POLE: variants seen among roughly 807,000 people sequenced by gnomAD.
The protein encoded by POLE is DNA polymerase epsilon catalytic subunit A.
A neutral mutation model predicts 279.2 loss-of-function variants in POLE; 188 were observed. That is an observed-to-expected ratio of 0.67 (90% confidence interval 0.60 to 0.76). POLE has a LOEUF of 0.76. Ranked by LOEUF, POLE falls within the 30% of genes least tolerant of loss-of-function variation. The pLI, the probability that POLE is intolerant of heterozygous loss-of-function variation, is 0.00. For missense variants in POLE, 2,703 were observed against 3,016.7 expected (o/e 0.90, Z 2.44); for synonymous variants, 1,214 against 1,172.5 (o/e 1.04, Z -0.72).
At position 132,638,062 on chromosome 12, in the gene POLE, T is replaced by C. The variant is rs2042069672; in HGVS notation, c.5630A>G (p.Lys1877Arg). 1 of 1,613,914 alleles carries C rather than the reference T, an allele frequency of 6.2e-7. No individual in the cohort carries two copies. Among genetic ancestry groups the C allele is most frequent in the Non-Finnish European group, 8.5e-7 (1 of 1,180,006 alleles). The change falls in exon 41 of 49, where the codon AAG becomes AGG. Residue 1877 changes from lysine (K) to arginine (R), a missense_variant. Around this residue, in one of 5 missense-constraint regions of POLE, gnomAD observed 1,551 missense variants for 1,686.1 expected, o/e 0.92. Coordinates refer to ENST00000320574, the MANE Select transcript of POLE (RefSeq NM_006231.4). ...AGCGATGGCATCTTCCACACGGCGC[T>C]TCTTTGTACAGAGGATGATGCGGTT... ...NFNRIILCTK[K>R]RRVEDAIAYV...
chr12:132,672,365 C>T (rs890330695), intron 15 of POLE, 43 bp from the exon 16 acceptor site: 2 of 1,473,336 alleles, frequency 1.4e-6, no homozygotes, highest in South Asian at 1.1e-5. Flanking sequence ...GGAAACACAC[C>T]CACACTAGCC....
Position 132,624,804 on chromosome 12 carries a change from T to G in POLE, c.6754A>C (p.Met2252Leu), listed in dbSNP as rs759660507. The change falls in exon 49 of 49, where the codon ATG becomes CTG. Residue 2252 changes from methionine to leucine, a missense_variant. Met to Leu is a conservative substitution (Grantham distance 15). Around this residue, in one of 5 missense-constraint regions of POLE, gnomAD observed 1,551 missense variants for 1,686.1 expected, o/e 0.92. Transcript: ENST00000320574. ...TTCCGGAATATTCCGATCTGTTCCA[T>G]GAAGACCTGCAGGAATAAACAGGCA... Reference protein sequence around the residue: ...FALTIHTQVFMEQIGIFRNIA... With the variant: ...FALTIHTQVFLEQIGIFRNIA... 1.2e-6 allele frequency: 2 copies of G among 1,610,450 alleles called. No individual in the cohort carries two copies. The highest frequency in any genetic ancestry group is 8.5e-7 in the Non-Finnish European group (1 of 1,176,638).
In POLE at chr12:132,649,455, G is replaced by A. The variant is rs373170535; in HGVS notation, c.3856C>T (p.Arg1286Cys). The A allele has an allele frequency of 9.3e-6, 15 of 1,612,012 alleles. No individual in the cohort carries two copies. In the African/African-American group the frequency reaches 9.3e-5, roughly 10 times the overall value. The change falls in exon 31 of 49, where the codon CGC becomes TGC. Residue 1286 changes from arginine (R) to cysteine (C), a missense_variant. By Grantham distance (180) the Arg-to-Cys change is radical (BLOSUM62 -3). Coordinates refer to ENST00000320574, the MANE Select transcript of POLE (RefSeq NM_006231.4). ...CGCTGCCTCTTCCTGCGGGCGAGGCGCTGCCGGGCCTGCAGCTGCCACTTC... is the reference window on the plus strand; with the variant it reads ...CGCTGCCTCTTCCTGCGGGCGAGGCACTGCCGGGCCTGCAGCTGCCACTTC... ...KKKWQLQARQRLARRKRQRLE... is the reference protein window; with the variant it reads ...KKKWQLQARQCLARRKRQRLE...
chr12:132,636,372 A>G (rs2042032323), intron 41 of POLE, among the ~76,000 whole-genome samples: 1 of 139,808 alleles, frequency 7.2e-6, no homozygotes, highest in Admixed American at 8.1e-5. Context: ...AGCTATCGTC[A>G]TCCTTGTCAC....
At position 132,642,651 on chromosome 12, in the gene POLE, A is replaced by C. The variant is rs1476671734; in HGVS notation, c.4807T>G (p.Leu1603Val). 1 of 1,613,212 alleles carries C rather than the reference A, an allele frequency of 6.2e-7. No homozygotes were observed. The highest frequency in any genetic ancestry group is 8.5e-7 in the Non-Finnish European group (1 of 1,180,024). The part of the protein sequence containing the change: ...LKRLASEIPV[L>V]EEFPLVPICV... ...ATAGGCACCAGTGGGAATTCCTCCAAGACAGGAATTTCACTGGCCAGCCTC... is the reference window on the plus strand; with the variant it reads ...ATAGGCACCAGTGGGAATTCCTCCACGACAGGAATTTCACTGGCCAGCCTC... Residue 1603 changes from leucine (L) to valine (V), a missense_variant, in exon 37 of 49, where the codon TTG (leucine) becomes GTG (valine). By Grantham distance (32) the Leu-to-Val change is conservative. Coordinates refer to ENST00000320574, the MANE Select transcript of POLE (RefSeq NM_006231.4).
chr12:132,668,382 G>A lies in POLE; in HGVS notation c.2147C>T (p.Ala716Val), dbSNP rs567031389. 5 of 1,595,676 alleles carry A rather than the reference G, an allele frequency of 3.1e-6. No homozygotes were observed. Among genetic ancestry groups the A allele is most frequent in the East Asian group, 2.3e-5 (1 of 44,324 alleles). The change falls in exon 19 of 49, where the codon GCG becomes GTG. Residue 716 changes from alanine to valine, a missense_variant. Ala to Val is a moderately conservative substitution (Grantham distance 64, BLOSUM62 0). Coordinates refer to ENST00000320574, the MANE Select transcript of POLE (RefSeq NM_006231.4). The surrounding 1 kb of genome is among the most constrained non-coding windows in gnomAD (Gnocchi z 4.0). ...CGCCAGCCTTCTCTTCTCGTATTTC[G>A]CCTGTTCCTCGCGGGACAGTTCATG... ...AFHELSREEQ[A>V]KYEKRRLADY...
rs1060500871 is a variant in POLE, at chr12:132,625,692, C to T, written c.6610G>A (p.Val2204Met). 7.4e-6 allele frequency: 12 copies of T among 1,613,724 alleles called. No individual in the cohort carries two copies. The highest frequency in any genetic ancestry group is 1.6e-4 in the Middle Eastern group (1 of 6,084). ...ATCAGCTTCTTCTGTAGAACTTCCA[C>T]CAGCGTCATCTCGATGGCAGAGGAG... is the stretch of plus-strand genomic sequence containing the variant. ...YDSSAIEMTL[V>M]EVLQKKLMAF... is the part of the protein sequence containing the mutation. Residue 2204 changes from valine (V) to methionine (M), a missense_variant, in exon 47 of 49, where the codon GTG becomes ATG. Val to Met is a conservative substitution (Grantham distance 21). Transcript: ENST00000320574.
At chr12:132,663,973 A>G in intron 23 of POLE, 31 bp downstream of exon 23, 3 of 1,612,596 alleles carry the variant, frequency 1.9e-6, no homozygotes, top group Non-Finnish European at 2.5e-6. Flanking sequence ...CAGGCCAGCC[A>G]GAGCTTCAGG....
Position 132,639,698 on chromosome 12 carries a change from T to C in POLE, c.5379-400A>G, listed in dbSNP as rs915782397. Among the ~76,000 whole-genome samples, 7 of 152,132 alleles carry C rather than the reference T, an allele frequency of 4.6e-5. No homozygotes were observed. Among genetic ancestry groups the C allele is most frequent in the African/African-American group, 7.2e-5 (3 of 41,392 alleles). On this transcript the variant is annotated intron_variant, in intron 39 of 48. Transcript: ENST00000320574. The surrounding 1 kb of genome is among the most constrained non-coding windows in gnomAD (Gnocchi z 4.7). Reference sequence around the variant, plus strand: ...CGGATGCAGAGGCTCACGCCTGTAATCCCACCACTTTGGGAGGCCGAGGCA... The same window carrying C: ...CGGATGCAGAGGCTCACGCCTGTAACCCCACCACTTTGGGAGGCCGAGGCA...
rs759449495 is a variant in POLE at position 132,649,429 on chromosome 12, ACGCTGCCTCTTCCTGCGGGCGAGG to A, written c.3858_3881del (p.Ala1288_Leu1295del). On this transcript the variant is annotated inframe_deletion, in exon 31 of 49. Transcript: ENST00000320574. ...TGAGCACACCCTCTGCCGACTCCAG[ACGCTGCCTCTTCCTGCGGGCGAGG>A]CGCTGCCGGGCCTGCAGCTGCCACT... 7 of 1,613,000 alleles carry A rather than the reference ACGCTGCCTCTTCCTGCGGGCGAGG, an allele frequency of 4.3e-6. No individual in the cohort carries two copies. The highest frequency in any genetic ancestry group is 5.9e-6 in the Non-Finnish European group (7 of 1,180,028).
chr12:132,679,032 T>G (rs1208147210), intron 6 of POLE, among the ~76,000 whole-genome samples: 1 of 152,188 alleles, frequency 6.6e-6, no homozygotes, highest in African/African-American at 2.4e-5. Flanking sequence ...TACTCAAGAT[T>G]TTCTCTTCCT....
In POLE at chr12:132,624,976, C is replaced by T. The variant is rs766291093; in HGVS notation, c.6676G>A (p.Gly2226Arg). ...ACAGGCATGCTGGTCTCCTTCACCC[C>T]GCGGCACTTCAGGCAGACCTGAAAG... is the stretch of plus-strand genomic sequence containing the variant. ...LQDLVCLKCRGVKETSMPVYC... is the reference protein window; with the variant it reads ...LQDLVCLKCRRVKETSMPVYC... Residue 2226 changes from glycine to arginine, a missense_variant, in exon 48 of 49, where the codon GGG (glycine) becomes AGG (arginine). Gly to Arg is a moderately radical substitution (Grantham distance 125). This residue lies in a region of POLE where 1,551 missense variants were observed against 1,686.1 expected (regional missense o/e 0.92). Transcript: ENST00000320574. 20 of 1,613,892 alleles carry T rather than the reference C, an allele frequency of 1.2e-5. No individual in the cohort carries two copies. The highest frequency in any genetic ancestry group is 2.2e-5 in the East Asian group (1 of 44,880).
Position 132,677,558 on chromosome 12 carries a change from C to T in POLE, c.720+20G>A, listed in dbSNP as rs771352389. 5.0e-6 allele frequency: 8 copies of T among 1,613,892 alleles called. No homozygotes were observed. The highest frequency in any genetic ancestry group is 3.3e-4 in the Middle Eastern group (2 of 6,082). ...GTTAGGAAATTCATGTGAGCAGCGA[C>T]CCAACCCTGCCCCACTCACCACGTG... On this transcript the variant is annotated intron_variant, in intron 7 of 48. Coordinates refer to ENST00000320574, the MANE Select transcript of POLE (RefSeq NM_006231.4).
chr12:132,634,381 G>C lies in POLE; in HGVS notation c.5812-3C>G. 1 of 1,611,978 alleles carries C rather than the reference G, an allele frequency of 6.2e-7. No homozygotes were observed. Among genetic ancestry groups the C allele is most frequent in the African/African-American group, 1.3e-5 (1 of 75,002 alleles). ...CCCCCTGCTTTCTGGGAGTCTTGCT[G>C]TAACACATGAGACAACGCGGCTGTG... On this transcript the variant is annotated splice_polypyrimidine_tract_variant and splice_region_variant and intron_variant, in intron 42 of 48. Transcript: ENST00000320574. The surrounding 1 kb of genome is among the most constrained non-coding windows in gnomAD (Gnocchi z 4.0).
chr12:132,673,985 C>T lies in POLE; in HGVS notation c.1227-278G>A, dbSNP rs5744771. Among the ~76,000 whole-genome samples, 11,682 of 152,032 alleles carry T rather than the reference C, an allele frequency of 0.077. 601 individuals carry two copies. The highest frequency in any genetic ancestry group is 0.11 in the Non-Finnish European group (7,440 of 67,956). On this transcript the variant is annotated intron_variant, in intron 12 of 48. Coordinates refer to ENST00000320574, the MANE Select transcript of POLE (RefSeq NM_006231.4). ...TCCTCAGCAGAGTTTGTGGCCTCTC[C>T]GACGGGCGCCCCACCTCCTTGGGCC...
At chr12:132,632,230 A>T in intron 45 of POLE, 85 bp downstream of exon 45, 2 of 1,080,310 alleles carry the variant, frequency 1.9e-6, no homozygotes, top group Non-Finnish European at 2.8e-6. Flanking sequence ...TGCACGCATT[A>T]CAGCCTCACC....
chr12:132,626,388 C>T lies in POLE; in HGVS notation c.6331-71G>A, dbSNP rs570044160. 4 of 1,421,892 alleles carry T rather than the reference C, an allele frequency of 2.8e-6. No individual in the cohort carries two copies. The African/African-American group carries it at 4.2e-5, about 15-fold the overall frequency. The allele number at this position is 1,421,892 out of a possible 1,614,324, so 88.1% of individuals were successfully genotyped here. A position where few individuals can be genotyped will look rare whatever the true frequency, so the allele number is the denominator to read the frequency against. ...CCTGCTGCTCTGTCTGGACCAGAAC[C>T]CTCTGGACCTTAGGCTACAGTTTCC... On this transcript the variant is annotated intron_variant, in intron 45 of 48. Coordinates refer to ENST00000320574, the MANE Select transcript of POLE (RefSeq NM_006231.4).
chr12:132,638,214 G>C (rs2138503528), intron 40 of POLE, 75 bp from the exon 41 acceptor site: 2 of 1,440,876 alleles, frequency 1.4e-6, no homozygotes, highest in Non-Finnish European at 1.9e-6. Context: ...GAAAATCCAA[G>C]AGGGAAAAGA....
chr12:132,632,652 A>C lies in POLE; in HGVS notation c.6136+12T>G. 3 of 1,613,842 alleles carry C rather than the reference A, an allele frequency of 1.9e-6. No homozygotes were observed. The highest frequency in any genetic ancestry group is 2.5e-6 in the Non-Finnish European group (3 of 1,179,926). Reference sequence around the variant, plus strand: ...ACATGGCAGTGGCCTCAAAAGACAAAAGACTGCTCACCGGGAAGGGCTCCG... The same window carrying C: ...ACATGGCAGTGGCCTCAAAAGACAACAGACTGCTCACCGGGAAGGGCTCCG... On this transcript the variant is annotated intron_variant, in intron 44 of 48. Coordinates refer to ENST00000320574, the MANE Select transcript of POLE (RefSeq NM_006231.4).
Sources: gnomAD v4.1 joint callset for allele counts (sites outside exome capture counted in the v4.1 genomes callset) on GRCh38, gnomAD v4.1.1 for gene constraint, gnomAD v4.1.1 regional missense constraint, Gnocchi (gnomAD v3.1) non-coding constraint, MANE v1.5 for transcripts, NCBI Gene and HGNC (gene_info 2026-07-23, HGNC 2026-07-21) for gene names.